ARRDC1: variants seen among roughly 807,000 people sequenced by gnomAD.
ARRDC1 encodes the protein arrestin domain containing 1.
Under a neutral mutation model 40.1 loss-of-function variants are expected in ARRDC1, and 37 were observed. The observed-to-expected ratio is 0.92, with a 90% CI of 0.71 to 1.21. The LOEUF is 1.21. Among genes scored for constraint, ARRDC1 ranks in the 50% most tolerant of loss-of-function variants. ARRDC1 has a pLI of 0.00. For missense variants in ARRDC1, 641 were observed against 581.9 expected, an observed-to-expected ratio of 1.10 and a Z score of -1.04; for synonymous variants, 310 against 262.5, an observed-to-expected ratio of 1.18 and a Z score of -1.75.
At chr9:137,610,055 C>G (rs1243205271) in intron 1 of ARRDC1, among the ~76,000 whole-genome samples, 1 of 152,108 alleles carries the variant, frequency 6.6e-6, no homozygotes, top group East Asian at 1.9e-4. Context: ...ACCTCGTGAT[C>G]TGCCCGCCTC....
chr9:137,605,841 C>T lies in ARRDC1; in HGVS notation c.118+6C>T. 1 of 1,243,728 alleles carries T rather than the reference C, an allele frequency of 8.0e-7. No individual in the cohort carries two copies. The highest frequency in any genetic ancestry group is 2.9e-5 in the South Asian group (1 of 34,454). The allele number at this position is 1,243,728 out of a possible 1,614,324, so 77.0% of individuals were successfully genotyped here. ...GGCACCGCTGCCGTTCCGAGGTGGG[C>T]GCGGGTCCTCGGGGAGGGCCTTTGG... On this transcript the variant is annotated splice_donor_region_variant and intron_variant, in intron 1 of 7. Coordinates refer to ENST00000371421, the MANE Select transcript of ARRDC1 (RefSeq NM_152285.4).
At position 137,614,196 on chromosome 9, in the gene ARRDC1, G is replaced by A. The variant is rs1279398796; in HGVS notation, c.600G>A (p.Val200=). Residue 200 remains valine, a synonymous_variant, in exon 5 of 8, where the codon GTG becomes GTA. Coordinates refer to ENST00000371421, the MANE Select transcript of ARRDC1 (RefSeq NM_152285.4). Reference sequence around the variant, plus strand: ...AGTCAGGCAAGGACACCAGCCCTGTGGTGGCCAGTCTGCTGCAGGTCAGAG... The same window carrying A: ...AGTCAGGCAAGGACACCAGCCCTGTAGTGGCCAGTCTGCTGCAGGTCAGAG... ...ENQSGKDTSP[V]VASLLQKVSY... 1.9e-6 allele frequency: 3 copies of A among 1,601,632 alleles called. No individual in the cohort carries two copies. The highest frequency in any genetic ancestry group is 2.6e-6 in the Non-Finnish European group (3 of 1,171,400).
intron 1 of ARRDC1, among the ~76,000 whole-genome samples, chr9:137,608,887 T>C (rs1192647461): frequency 6.6e-6 from 1 of 152,222 alleles, no homozygotes; most frequent in Non-Finnish European, 1.5e-5. Context: ...CAGAGTCATC[T>C]CAAAGAGCCT....
intron 1 of ARRDC1, among the ~76,000 whole-genome samples, chr9:137,607,031 C>T (rs893594877): frequency 6.6e-6 from 1 of 152,238 alleles, no homozygotes; most frequent in Non-Finnish European, 1.5e-5. Flanking sequence ...AATGCTCACG[C>T]CTGTAATCCC....
chr9:137,614,140 G>A lies in ARRDC1; in HGVS notation c.544G>A (p.Ala182Thr). ...TCTCCGCGGCTATGTGGTGGGGCAG[G>A]CACTGCAGCTGCATGCCGACGTTGA... ...TDLRGYVVGQ[A>T]LQLHADVENQ... The change falls in exon 5 of 8, where the codon GCA (alanine) becomes ACA (threonine). Residue 182 changes from alanine to threonine, a missense_variant. Ala to Thr is a moderately conservative substitution (Grantham distance 58). Transcript: ENST00000371421. The A allele has an allele frequency of 1.2e-6, 2 of 1,613,332 alleles. No individual in the cohort carries two copies. Among genetic ancestry groups the A allele is most frequent in the Non-Finnish European group, 1.7e-6 (2 of 1,179,624 alleles).
chr9:137,605,749 T>C lies in ARRDC1; in HGVS notation c.32T>C (p.Leu11Pro). ...CGAGTGCAGCTCTTCGAGATCAGCC[T>C]GAGCCACGGCCGCGTCGTCTACAGC... Reference protein sequence around the residue: MGRVQLFEISLSHGRVVYSPG... With the variant: MGRVQLFEISPSHGRVVYSPG... Residue 11 changes from leucine (L) to proline (P), a missense_variant, in exon 1 of 8, where the codon CTG becomes CCG. Leu to Pro is a moderately conservative substitution (Grantham distance 98). Transcript: ENST00000371421. The C allele has an allele frequency of 7.2e-7, 1 of 1,379,758 alleles. No homozygotes were observed. Among genetic ancestry groups the C allele is most frequent in the Admixed American group, 3.0e-5 (1 of 33,878 alleles). The allele number at this position is 1,379,758 out of a possible 1,614,324, so 85.5% of individuals were successfully genotyped here.
intron 1 of ARRDC1, among the ~76,000 whole-genome samples, chr9:137,608,076 C>T (rs1053356874): frequency 9.9e-5 from 15 of 152,082 alleles, no homozygotes; most frequent in South Asian, 2.1e-4. Flanking sequence ...TCCGCCTCCC[C>T]GGTTCACGCC....
intron 7 of ARRDC1, 30 bp downstream of exon 7, chr9:137,615,030 G>A (rs1174612448): frequency 2.9e-5 from 47 of 1,612,200 alleles, no homozygotes; most frequent in Non-Finnish European, 4.0e-5. Context: ...TTGGCAGGGA[G>A]GGGACGCCAA....
chr9:137,612,836 C>A, intron 1 of ARRDC1, 60 bp from the exon 2 acceptor site: 1 of 1,368,618 alleles, frequency 7.3e-7, no homozygotes, highest in Non-Finnish European at 1.0e-6. Context: ...CCTGTGCTGG[C>A]AGCAAGCAGG....
Position 137,615,058 on chromosome 9 carries a change from T to G in ARRDC1, c.1238-16T>G. On this transcript the variant is annotated splice_polypyrimidine_tract_variant and intron_variant, in intron 7 of 7. Coordinates refer to ENST00000371421, the MANE Select transcript of ARRDC1 (RefSeq NM_152285.4). ...GACGCCAAGAGCCCCACGCAGACCCTGCTTTCTTCCCGCAGAGGCCCCACC... is the reference window on the plus strand; with the variant it reads ...GACGCCAAGAGCCCCACGCAGACCCGGCTTTCTTCCCGCAGAGGCCCCACC... The G allele has an allele frequency of 6.2e-7, 1 of 1,607,740 alleles. No homozygotes were observed. The highest frequency in any genetic ancestry group is 1.7e-4 in the Middle Eastern group (1 of 6,034).
Position 137,605,733 on chromosome 9 carries a change from C to T in ARRDC1, c.16C>T (p.Leu6Phe), listed in dbSNP as rs760501724. The T allele has an allele frequency of 3.4e-5, 47 of 1,386,000 alleles. 2 individuals are homozygous for T. In the South Asian group the frequency reaches 6.5e-4, roughly 19 times the overall value. The allele number at this position is 1,386,000 out of a possible 1,614,324, so 85.9% of individuals were successfully genotyped here. A position where few individuals can be genotyped will look rare whatever the true frequency, so the allele number is the denominator to read the frequency against. Residue 6 changes from leucine (L) to phenylalanine (F), a missense_variant, in exon 1 of 8, where the codon CTC (leucine) becomes TTC (phenylalanine). Transcript: ENST00000371421. MGRVQ[L>F]FEISLSHGRV... Reference sequence around the variant, plus strand: ...AGGCCGCGGCATGGGGCGAGTGCAGCTCTTCGAGATCAGCCTGAGCCACGG... The same window carrying T: ...AGGCCGCGGCATGGGGCGAGTGCAGTTCTTCGAGATCAGCCTGAGCCACGG...
chr9:137,610,809 T>C (rs1457555147), intron 1 of ARRDC1, among the ~76,000 whole-genome samples: 1 of 152,132 alleles, frequency 6.6e-6, no homozygotes, highest in Non-Finnish European at 1.5e-5. Context: ...GTGATCTGCC[T>C]GCCTTGGCCT....
Position 137,615,118 on chromosome 9 carries a change from A to C in ARRDC1, c.1282A>C (p.Ser428Arg), listed in dbSNP as rs748490636. 2.6e-6 allele frequency: 4 copies of C among 1,551,030 alleles called. No individual in the cohort carries two copies. The highest frequency in any genetic ancestry group is 2.6e-6 in the Non-Finnish European group (3 of 1,145,738). Residue 428 changes from serine to arginine, a missense_variant, in exon 8 of 8, where the codon AGC (serine) becomes CGC (arginine). Transcript: ENST00000371421. ...YEQSCGGVEP[S>R]LTPES is the part of the protein sequence containing the mutation. ...GCAGAGCTGCGGCGGCGTGGAACCC[A>C]GCCTGACCCCTGAGAGCTGACCCCG...
rs1186987730 is a variant in ARRDC1, at chr9:137,612,893, C to T, written c.119-3C>T. 2 of 1,611,982 alleles carry T rather than the reference C, an allele frequency of 1.2e-6. No homozygotes were observed. Among genetic ancestry groups the T allele is most frequent in the Non-Finnish European group, 1.7e-6 (2 of 1,178,416 alleles). Reference sequence around the variant, plus strand: ...GGGGCTCATGCAGCCATCCCCTTTGCAGCCATCCGGGTGACCTGCATAGGT... The same window carrying T: ...GGGGCTCATGCAGCCATCCCCTTTGTAGCCATCCGGGTGACCTGCATAGGT... On this transcript the variant is annotated splice_region_variant and splice_polypyrimidine_tract_variant and intron_variant, in intron 1 of 7. Transcript: ENST00000371421.
At chr9:137,613,331 G>A (rs542854015) in intron 2 of ARRDC1, 129 bp from the exon 3 acceptor site, 47 of 1,031,374 alleles carry the variant, frequency 4.6e-5, no homozygotes, top group Admixed American at 1.0e-4. Context: ...CTGCTGTGGC[G>A]CTGGTGACTG....
rs768248778 is a variant in ARRDC1, at chr9:137,614,698, C to T, written c.935C>T (p.Pro312Leu). Residue 312 changes from proline (P) to leucine (L), a missense_variant, in exon 7 of 8, where the codon CCA becomes CTA. Transcript: ENST00000371421. ...GAPPLVVPSA[P>L]PQEEAEAEAA... ...CCACCCCTGGTGGTGCCTTCCGCAC[C>T]ACCCCAGGAGGAGGCTGAGGCTGAG... The T allele has an allele frequency of 1.2e-6, 2 of 1,611,272 alleles. No homozygotes were observed. The highest frequency in any genetic ancestry group is 1.1e-5 in the South Asian group (1 of 90,974).
At position 137,614,192 on chromosome 9, in the gene ARRDC1, C is replaced by G; in HGVS notation, c.596C>G (p.Pro199Arg). 6.2e-7 allele frequency: 1 copy of G among 1,602,054 alleles called. No homozygotes were observed. The highest frequency in any genetic ancestry group is 8.5e-7 in the Non-Finnish European group (1 of 1,171,660). The change falls in exon 5 of 8, where the codon CCT becomes CGT. Residue 199 changes from proline (P) to arginine (R), a missense_variant. Coordinates refer to ENST00000371421, the MANE Select transcript of ARRDC1 (RefSeq NM_152285.4). The part of the protein sequence containing the change: ...VENQSGKDTS[P>R]VVASLLQKVS... Reference sequence around the variant, plus strand: ...AACCAGTCAGGCAAGGACACCAGCCCTGTGGTGGCCAGTCTGCTGCAGGTC... The same window carrying G: ...AACCAGTCAGGCAAGGACACCAGCCGTGTGGTGGCCAGTCTGCTGCAGGTC...
At position 137,614,061 on chromosome 9, in the gene ARRDC1, G is replaced by A; in HGVS notation, c.465G>A (p.Lys155=). ...EQPNVASATK[K]FSYKLVKTGS... ...CCAACGTGGCCTCTGCCACCAAGAA[G>A]TTCTCCTACAAGCTGGTGAAGACGG... Residue 155 remains lysine (K), a synonymous_variant, in exon 5 of 8, where the codon AAG becomes AAA. Transcript: ENST00000371421. 1 of 1,613,824 alleles carries A rather than the reference G, an allele frequency of 6.2e-7. No individual in the cohort carries two copies. Among genetic ancestry groups the A allele is most frequent in the Non-Finnish European group, 8.5e-7 (1 of 1,179,992 alleles).
chr9:137,615,053 G>A (rs1255928306), intron 7 of ARRDC1, 21 bp from the exon 8 acceptor site: 2 of 1,609,316 alleles, frequency 1.2e-6, no homozygotes, highest in East Asian at 2.2e-5. Context: ...GCCCCACGCA[G>A]ACCCTGCTTT....
Sources: gnomAD v4.1 joint callset for allele counts (sites outside exome capture counted in the v4.1 genomes callset) on GRCh38, gnomAD v4.1.1 for gene constraint, MANE v1.5 for transcripts, NCBI Gene and HGNC (gene_info 2026-07-23, HGNC 2026-07-21) for gene names.